SCRG1: variants seen among roughly 807,000 people sequenced by gnomAD.
SCRG1 encodes stimulator of chondrogenesis 1.
SCRG1 carries 3 observed loss-of-function variants against 7.7 expected under a neutral mutation model. That is an observed-to-expected ratio of 0.39 (90% confidence interval 0.18 to 1.01). The LOEUF (loss-of-function observed/expected upper bound fraction) is 1.01, where lower values mean the gene tolerates loss of function less well. Ranked by LOEUF, SCRG1 falls within the 50% of genes least tolerant of loss-of-function variation. The pLI, the probability that SCRG1 is intolerant of heterozygous loss-of-function variation, is 0.36. For missense variants in SCRG1, 110 were observed against 117.2 expected (o/e 0.94, Z 0.28); for synonymous variants, 46 against 41.2 (o/e 1.12, Z -0.44).
upstream of SCRG1, among the ~76,000 whole-genome samples, chr4:173,409,520 A>C: frequency 6.6e-6 from 1 of 151,652 alleles, no homozygotes; most frequent in Non-Finnish European, 1.5e-5. Flanking sequence ...TCCCATTTGA[A>C]GCTGGAGAAG....
At chr4:173,439,665 T>C in the SCRG1 span, among the ~76,000 whole-genome samples, 1 of 152,018 alleles carries the variant, frequency 6.6e-6, no homozygotes, top group Non-Finnish European at 1.5e-5. Flanking sequence ...TTTAGATATA[T>C]AAAAGTTTTC....
the SCRG1 span, among the ~76,000 whole-genome samples, chr4:173,436,630 A>G: frequency 6.6e-6 from 1 of 152,130 alleles, no homozygotes; most frequent in Non-Finnish European, 1.5e-5. Flanking sequence ...TTTGGTATAA[A>G]CATATATACT....
chr4:173,483,798 T>C, the SCRG1 span, among the ~76,000 whole-genome samples: 11 of 35,794 alleles, frequency 3.1e-4, 4 homozygotes, highest in East Asian at 6.3e-3. Flanking sequence ...ATCATATATA[T>C]GATATATGAT....
the SCRG1 span, among the ~76,000 whole-genome samples, chr4:173,435,781 T>C: frequency 2.0e-4 from 30 of 152,170 alleles, no homozygotes; most frequent in African/African-American, 7.2e-4. Flanking sequence ...GGTGTTTCCC[T>C]GGCACTGCTG....
chr4:173,483,821 T>TTTC, the SCRG1 span, among the ~76,000 whole-genome samples: 28 of 23,452 alleles, frequency 1.2e-3, 3 homozygotes, highest in African/African-American at 2.5e-3. Flanking sequence ...GTAATATATA[T>TTTC]AATATATATA....
the SCRG1 span, among the ~76,000 whole-genome samples, chr4:173,456,043 G>T: frequency 6.6e-6 from 1 of 152,148 alleles, no homozygotes; most frequent in South Asian, 2.1e-4. Context: ...CGGTCTAATA[G>T]CACTTTTCAA....
chr4:173,516,847 G>C, the SCRG1 span, among the ~76,000 whole-genome samples: 88,827 of 152,118 alleles, frequency 0.58, 26,094 homozygotes, highest in Middle Eastern at 0.62. Context: ...GTTCTTCCCC[G>C]CATAGTTCGA....
the SCRG1 span, chr4:173,420,082 T>C: frequency 8.4e-6 from 5 of 594,936 alleles, no homozygotes; most frequent in South Asian, 7.1e-5. Flanking sequence ...TCTTCTAAAT[T>C]TCACTTGGTA....
intron 1 of SCRG1, among the ~76,000 whole-genome samples, chr4:173,394,256 T>G (rs1044792007): frequency 6.6e-6 from 1 of 152,114 alleles, no homozygotes; most frequent in Non-Finnish European, 1.5e-5. Context: ...TTCTTCTTCT[T>G]CTTCTTTTTT....
the SCRG1 span, among the ~76,000 whole-genome samples, chr4:173,478,225 T>A: frequency 2.0e-5 from 3 of 152,210 alleles, no homozygotes; most frequent in Admixed American, 2.0e-4. Flanking sequence ...AAGTTTGAAA[T>A]ATAGTCTCAT....
the SCRG1 span, among the ~76,000 whole-genome samples, chr4:173,488,795 T>A: frequency 6.6e-6 from 1 of 152,224 alleles, no homozygotes; most frequent in South Asian, 2.1e-4. Context: ...AGAAAAATGA[T>A]GTCAAATAAC....
the SCRG1 span, among the ~76,000 whole-genome samples, chr4:173,422,706 A>G: frequency 1.3e-5 from 2 of 152,314 alleles, no homozygotes; most frequent in Non-Finnish European, 1.5e-5. Context: ...AAACCATTTG[A>G]AAAGGGACAG....
At chr4:173,424,141 C>A in the SCRG1 span, among the ~76,000 whole-genome samples, 1 of 152,086 alleles carries the variant, frequency 6.6e-6, no homozygotes, top group Non-Finnish European at 1.5e-5. Context: ...CATATCAGAA[C>A]CTTAATATAC....
chr4:173,396,837 G>A (rs1739620159), intron 1 of SCRG1, among the ~76,000 whole-genome samples: 1 of 151,656 alleles, frequency 6.6e-6, no homozygotes, highest in African/African-American at 2.4e-5. Context: ...GGCAGATCAC[G>A]AGGTCAAGAG....
chr4:173,417,583 TCTCC>T, the SCRG1 span, among the ~76,000 whole-genome samples: 22 of 151,268 alleles, frequency 1.5e-4, no homozygotes, highest in African/African-American at 2.5e-4. Context: ...TCATAACTAG[TCTCC>T]CTCCCTCCCT....
At chr4:173,436,809 C>T in the SCRG1 span, among the ~76,000 whole-genome samples, 7 of 152,156 alleles carry the variant, frequency 4.6e-5, no homozygotes, top group Non-Finnish European at 8.8e-5. Context: ...TCGCAGGCTT[C>T]GTGTAGACAC....
chr4:173,452,852 G>A, the SCRG1 span, among the ~76,000 whole-genome samples: 1 of 152,176 alleles, frequency 6.6e-6, no homozygotes, highest in Non-Finnish European at 1.5e-5. Context: ...AAAAATATCA[G>A]AGATGTTAAG....
the SCRG1 span, among the ~76,000 whole-genome samples, chr4:173,451,674 ATTTATTTATTT>A: frequency 0.068 from 9,200 of 134,814 alleles, 379 homozygotes; most frequent in Middle Eastern, 0.1. Context: ...TTATTTATTT[ATTTATTTATTT>A]TGAGACAGAG....
the SCRG1 span, among the ~76,000 whole-genome samples, chr4:173,482,871 AT>A: frequency 1.7e-4 from 24 of 141,784 alleles, no homozygotes; most frequent in African/African-American, 3.6e-4. Context: ...TTTCATATAT[AT>A]TTTTTATATG....
Sources: allele counts gnomAD v4.1 joint callset (sites outside exome capture counted in the v4.1 genomes callset), GRCh38; gene constraint gnomAD v4.1.1; transcripts MANE v1.5; gene names NCBI Gene and HGNC (gene_info 2026-07-23, HGNC 2026-07-21).